ATL2: variants seen among roughly 807,000 people sequenced by gnomAD.
The protein encoded by ATL2 is atlastin GTPase 2.
A neutral mutation model predicts 73.9 loss-of-function variants in ATL2; 31 were observed. The ratio of observed to expected loss-of-function variants is 0.42; its 90% CI spans 0.32 to 0.57. The LOEUF is 0.57. ATL2 is among the 20% of genes least tolerant of loss of function. The pLI is 0.14. For missense variants in ATL2, 738 were observed against 702.6 expected (o/e 1.05, Z -0.57); for synonymous variants, 291 against 237.5 (o/e 1.23, Z -2.07).
At chr2:38,296,776 G>C in intron 12 of ATL2, 1 of 1,545,208 alleles carries the variant, frequency 6.5e-7, no homozygotes, top group South Asian at 1.2e-5. Context: ...CTGACTAGCT[G>C]ATTACCTTAC....
chr2:38,343,657 A>G (rs2124410884), intron 1 of ATL2, 145 bp from the exon 2 acceptor site: 1 of 737,900 alleles, frequency 1.4e-6, no homozygotes, highest in South Asian at 1.8e-5. Flanking sequence ...TGGATTTCTC[A>G]CTCCCTCTGT....
intron 12 of ATL2, 72 bp downstream of exon 12, chr2:38,298,071 CA>C (rs766465928): frequency 2.8e-6 from 4 of 1,419,656 alleles, no homozygotes; most frequent in Non-Finnish European, 3.8e-6. Flanking sequence ...AGTCGGAGTA[CA>C]AATACTGCAA....
rs182692785 is a variant in ATL2 at position 38,305,743 on chromosome 2, G to A, written c.1071+3636C>T. Among the ~76,000 whole-genome samples, 17 of 151,152 alleles carry A rather than the reference G, an allele frequency of 1.1e-4. 1 individual carries two copies. In the East Asian group the frequency reaches 2.7e-3, roughly 24 times the overall value. ...ACACATTCTTGAAACAAATGAAAAC[G>A]GAAACACAACATACCAAATATATGG... On this transcript the variant is annotated intron_variant, in intron 9 of 12. Transcript: ENST00000378954.
In ATL2 at chr2:38,340,966, T is replaced by C. The variant is rs116690729; in HGVS notation, c.363+2302A>G. On this transcript the variant is annotated intron_variant, in intron 2 of 12. Coordinates refer to ENST00000378954, the MANE Select transcript of ATL2 (RefSeq NM_001135673.4). ...CTGCAACTCCCCCAGGAAAAGAGAG[T>C]TCCGTTTGTGCAGAGATTGCAAATA... Among the ~76,000 whole-genome samples the C allele has an allele frequency of 7.4e-4, 112 of 152,108 alleles. 1 individual carries two copies. The highest frequency in any genetic ancestry group is 2.6e-3 in the African/African-American group (109 of 41,476).
At chr2:38,312,581 G>A (rs1430922294) in intron 7 of ATL2, among the ~76,000 whole-genome samples, 1 of 152,022 alleles carries the variant, frequency 6.6e-6, no homozygotes, top group African/African-American at 2.4e-5. Context: ...CGTGGTGGCG[G>A]GCGCCTGTAA....
intron 1 of ATL2, among the ~76,000 whole-genome samples, chr2:38,366,848 T>C (rs567440688): frequency 2.0e-5 from 3 of 152,258 alleles, no homozygotes; most frequent in Admixed American, 6.5e-5. Flanking sequence ...AGCTAATTAT[T>C]TGTCTAAGTA....
intron 2 of ATL2, among the ~76,000 whole-genome samples, chr2:38,342,683 A>G (rs1669792279): frequency 6.6e-6 from 1 of 152,196 alleles, no homozygotes; most frequent in African/African-American, 2.4e-5. Flanking sequence ...AAGGTGGCCA[A>G]AAGGAAAGTG....
intron 5 of ATL2, 51 bp from the exon 6 acceptor site, chr2:38,314,715 A>G: frequency 8.2e-7 from 1 of 1,222,274 alleles, no homozygotes; most frequent in Non-Finnish European, 1.2e-6. Context: ...TTGAAAGAAG[A>G]CATGTGTAAA....
rs76127426 is a variant in ATL2 at position 38,347,788 on chromosome 2, A to T, written c.119-4276T>A. Among the ~76,000 whole-genome samples, 631 of 105,580 alleles carry T rather than the reference A, an allele frequency of 6.0e-3. 14 individuals are homozygous for T. Among genetic ancestry groups the T allele is most frequent in the African/African-American group, 0.042 (590 of 13,936 alleles). The allele number at this position is 105,580 out of a possible 152,430, so 69.3% of individuals were successfully genotyped here. On this transcript the variant is annotated intron_variant, in intron 1 of 12. Transcript: ENST00000378954. ...TTACCTTTTTTTTTTTTTTTTTTTT[A>T]AGGCAGAGCGCTCTGTCACCCAGGC... is the stretch of plus-strand genomic sequence containing the variant.
At chr2:38,348,940 C>T (rs1000234221) in intron 1 of ATL2, among the ~76,000 whole-genome samples, 2 of 152,106 alleles carry the variant, frequency 1.3e-5, no homozygotes, top group African/African-American at 4.8e-5. Context: ...CATCACTGGC[C>T]ATCAGAGAAA....
chr2:38,328,319 C>T (rs1252020409), intron 2 of ATL2, among the ~76,000 whole-genome samples: 1 of 152,172 alleles, frequency 6.6e-6, no homozygotes, highest in Non-Finnish European at 1.5e-5. Flanking sequence ...ACAGCATCAA[C>T]AATCAAATGG....
chr2:38,368,721 G>T (rs1343585745), intron 1 of ATL2, among the ~76,000 whole-genome samples: 4 of 152,136 alleles, frequency 2.6e-5, no homozygotes, highest in Non-Finnish European at 5.9e-5. Context: ...ATAATTTCCT[G>T]CATGCAAACA....
In ATL2 at chr2:38,298,397, A is replaced by G; in HGVS notation, c.1379T>C (p.Ile460Thr). Residue 460 changes from isoleucine (I) to threonine (T), a missense_variant, in exon 12 of 13, where the codon ATA (isoleucine) becomes ACA (threonine). Transcript: ENST00000378954. ...AEIEETYANFIKHNDGKNIFY... is the reference protein window; with the variant it reads ...AEIEETYANFTKHNDGKNIFY... ...GATATTTTTGCCATCATTGTGCTTTATAAAATTTGCATAGGTTTCTTCAAT... is the reference window on the plus strand; with the variant it reads ...GATATTTTTGCCATCATTGTGCTTTGTAAAATTTGCATAGGTTTCTTCAAT... The G allele has an allele frequency of 6.2e-7, 1 of 1,614,232 alleles. No homozygotes were observed. The highest frequency in any genetic ancestry group is 8.5e-7 in the Non-Finnish European group (1 of 1,180,030).
chr2:38,332,264 T>C (rs1411336696), intron 2 of ATL2, among the ~76,000 whole-genome samples: 2 of 152,194 alleles, frequency 1.3e-5, no homozygotes, highest in African/African-American at 2.4e-5. Context: ...TGGAGTGCAA[T>C]AGCACAATCA....
chr2:38,345,260 G>A (rs1310598578), intron 1 of ATL2, among the ~76,000 whole-genome samples: 1 of 152,154 alleles, frequency 6.6e-6, no homozygotes, highest in Non-Finnish European at 1.5e-5. Context: ...CCTACTCTGA[G>A]GAGAAAGCCA....
At chr2:38,355,582 T>C (rs1231729678) in intron 1 of ATL2, among the ~76,000 whole-genome samples, 1 of 151,872 alleles carries the variant, frequency 6.6e-6, no homozygotes, top group Non-Finnish European at 1.5e-5. Flanking sequence ...ATACCACATA[T>C]AAAATGTGTA....
At chr2:38,377,067 G>A in intron 1 of ATL2, 76 bp downstream of exon 1, 1 of 1,415,822 alleles carries the variant, frequency 7.1e-7, no homozygotes, top group Non-Finnish European at 9.6e-7. Context: ...GCCGCCTGCG[G>A]CCGGTGCCCG....
In ATL2 at chr2:38,319,106, G is replaced by C; in HGVS notation, c.364-87C>G. On this transcript the variant is annotated intron_variant, in intron 2 of 12. Transcript: ENST00000378954. ...ATCACCCATTCTTTATTTTACAGAT[G>C]GGGAAGCTAAACCCGGAAAGACAAA... 7.8e-6 allele frequency: 11 copies of C among 1,414,292 alleles called. No homozygotes were observed. In the South Asian group the frequency reaches 1.3e-4, roughly 16 times the overall value. 87.6% of individuals were successfully genotyped at this position (1,414,292 alleles called of 1,614,324 possible).
intron 9 of ATL2, among the ~76,000 whole-genome samples, chr2:38,305,715 T>TA (rs1667415603): frequency 6.7e-6 from 1 of 149,646 alleles, no homozygotes; most frequent in Non-Finnish European, 1.5e-5. Context: ...AAGAAAGAAA[T>TA]AAACACATTC....
Sources: gnomAD v4.1 joint callset for allele counts (sites outside exome capture counted in the v4.1 genomes callset) on GRCh38, gnomAD v4.1.1 for gene constraint, MANE v1.5 for transcripts, NCBI Gene and HGNC (gene_info 2026-07-23, HGNC 2026-07-21) for gene names.